The following CNOT10 variants were observed in gnomAD, a reference collection of about 807,000 sequenced individuals.
CNOT10 encodes CCR4-NOT transcription complex subunit 10.
In CNOT10, 30 loss-of-function variants were observed where a neutral mutation model predicts 94.6. The ratio of observed to expected loss-of-function variants is 0.32; its 90% confidence interval spans 0.24 to 0.43. CNOT10 has a LOEUF of 0.43. Ranked by LOEUF, CNOT10 falls within the 20% of genes least tolerant of loss-of-function variation. The probability of loss-of-function intolerance (pLI) is 1.00; values close to 1 mark genes in which losing one functional copy is unlikely to be tolerated. For missense variants in CNOT10, 759 were observed against 877.2 expected, an observed-to-expected ratio of 0.87 and a Z score of 1.70; for synonymous variants, 289 against 301.6, an observed-to-expected ratio of 0.96 and a Z score of 0.43.
In CNOT10 at chr3:32,759,312, A is replaced by G. The variant is rs1309582786; in HGVS notation, c.1596-146A>G. On this transcript the variant is annotated intron_variant, in intron 13 of 18. Transcript: ENST00000328834. ...CAGAATTGTTTTATACATCAATCTA[A>G]TTCTTACCATTAGTACCGTGGCTTC... 6.5e-6 allele frequency: 4 copies of G among 619,228 alleles called. No individual in the cohort carries two copies. The Admixed American group carries it at 7.8e-5, about 12-fold the overall frequency. 38.4% of individuals were successfully genotyped at this position (619,228 alleles called of 1,614,324 possible). A position where few individuals can be genotyped will look rare whatever the true frequency, so the allele number is the denominator to read the frequency against.
intron 1 of CNOT10, among the ~76,000 whole-genome samples, chr3:32,689,923 G>A (rs901179513): frequency 5.9e-5 from 9 of 152,182 alleles, no homozygotes; most frequent in African/African-American, 1.9e-4. Context: ...CCACTGTACT[G>A]TAGCCTGGGT....
At chr3:32,715,643 C>G (rs570689969) in intron 5 of CNOT10, among the ~76,000 whole-genome samples, 4 of 152,068 alleles carry the variant, frequency 2.6e-5, no homozygotes, top group Admixed American at 6.5e-5. Context: ...TAAAACAAGC[C>G]CAGGCTGGCC....
At chr3:32,706,051 CTAATT>C (rs1697608241) in intron 3 of CNOT10, among the ~76,000 whole-genome samples, 1 of 152,118 alleles carries the variant, frequency 6.6e-6, no homozygotes, top group Non-Finnish European at 1.5e-5. Flanking sequence ...TTTAGGAAGT[CTAATT>C]TAAATTTACA....
chr3:32,711,080 A>C (rs1374428943), intron 4 of CNOT10, among the ~76,000 whole-genome samples: 2 of 152,192 alleles, frequency 1.3e-5, no homozygotes, highest in African/African-American at 2.4e-5. Flanking sequence ...TGTGGGCCAG[A>C]CACTGTTCTG....
intron 3 of CNOT10, among the ~76,000 whole-genome samples, chr3:32,705,710 G>T (rs1489506402): frequency 6.6e-6 from 1 of 152,100 alleles, no homozygotes; most frequent in Admixed American, 6.6e-5. Flanking sequence ...TAACTCTATA[G>T]CCTGTAATTT....
chr3:32,746,315 A>G (rs1352352752), intron 13 of CNOT10, among the ~76,000 whole-genome samples: 5 of 152,178 alleles, frequency 3.3e-5, no homozygotes, highest in South Asian at 4.1e-4. Context: ...ATGATTCAAA[A>G]ACATTACATT....
rs564854517 is a variant in CNOT10 at position 32,744,556 on chromosome 3, A to G, written c.1595+7066A>G. Among the ~76,000 whole-genome samples, 3 of 152,332 alleles carry G rather than the reference A, an allele frequency of 2.0e-5. No individual in the cohort carries two copies. In the South Asian group the frequency reaches 6.2e-4, roughly 32 times the overall value. ...TTTTTAGAAGGCAGATAATAATTAA[A>G]GAAGTTGTGAGATTGTATATTAAAT... is the stretch of plus-strand genomic sequence containing the variant. On this transcript the variant is annotated intron_variant, in intron 13 of 18. Transcript: ENST00000328834.
At chr3:32,750,279 G>A (rs998284482) in intron 13 of CNOT10, among the ~76,000 whole-genome samples, 1 of 152,096 alleles carries the variant, frequency 6.6e-6, no homozygotes, top group African/African-American at 2.4e-5. Context: ...TGGATCACCT[G>A]AGGTCAGGAG....
At chr3:32,702,712 CTG>C (rs1697409812) in intron 1 of CNOT10, among the ~76,000 whole-genome samples, 1 of 152,088 alleles carries the variant, frequency 6.6e-6, no homozygotes, top group Non-Finnish European at 1.5e-5. Flanking sequence ...ATATGTGGGA[CTG>C]TATATTGCTG....
chr3:32,717,123 T>C, intron 6 of CNOT10, 31 bp from the exon 7 acceptor site: 1 of 1,332,256 alleles, frequency 7.5e-7, no homozygotes, highest in Middle Eastern at 1.8e-4. Flanking sequence ...TCCACCATAG[T>C]TTTAACATAC....
chr3:32,745,475 T>TACTCACAC (rs55661220), intron 13 of CNOT10, among the ~76,000 whole-genome samples: 150,112 of 152,212 alleles, frequency 0.99, 74,062 homozygotes, highest in East Asian at 1. Flanking sequence ...AAGGATTGAA[T>TACTCACAC]AAACATTCTG....
chr3:32,768,266 G>A (rs966799313), intron 17 of CNOT10, among the ~76,000 whole-genome samples: 2 of 152,112 alleles, frequency 1.3e-5, no homozygotes, highest in African/African-American at 4.8e-5. Flanking sequence ...TAGCCACTTG[G>A]ATGGAAAACA....
chr3:32,710,292 C>G (rs1351694282), intron 4 of CNOT10, among the ~76,000 whole-genome samples: 2 of 139,774 alleles, frequency 1.4e-5, no homozygotes, highest in East Asian at 4.1e-4. Context: ...TTTTTTTAAA[C>G]TTTTACTGCT....
chr3:32,770,079 C>A, intron 18 of CNOT10, 117 bp downstream of exon 18: 1 of 736,718 alleles, frequency 1.4e-6, no homozygotes, highest in Non-Finnish European at 2.3e-6. Flanking sequence ...CATCAGAGCT[C>A]ACTGCAGCCT....
chr3:32,761,755 C>T (rs529135648), intron 14 of CNOT10, among the ~76,000 whole-genome samples: 6 of 140,088 alleles, frequency 4.3e-5, no homozygotes, highest in African/African-American at 1.1e-4. Flanking sequence ...TTTTTTGAAA[C>T]GGAGTTTCAC....
chr3:32,705,611 G>A (rs1036904817), intron 3 of CNOT10, among the ~76,000 whole-genome samples: 6 of 152,162 alleles, frequency 3.9e-5, no homozygotes, highest in Non-Finnish European at 5.9e-5. Flanking sequence ...TATTTTAAAA[G>A]TGGAAAAGCC....
chr3:32,715,277 G>A (rs2125537829), intron 5 of CNOT10, among the ~76,000 whole-genome samples: 1 of 152,306 alleles, frequency 6.6e-6, no homozygotes, highest in South Asian at 2.1e-4. Flanking sequence ...AAGGAATTTG[G>A]ATGTTTGTTT....
chr3:32,728,154 G>A (rs377112461), intron 10 of CNOT10, among the ~76,000 whole-genome samples: 3 of 151,644 alleles, frequency 2.0e-5, no homozygotes, highest in South Asian at 2.1e-4. Context: ...ATGCCACCAC[G>A]CCCAGCTAAT....
chr3:32,769,565 A>C (rs536841987), intron 17 of CNOT10: 1 of 245,222 alleles, frequency 4.1e-6, no homozygotes, highest in East Asian at 7.7e-5. Context: ...ACTTAGGAAA[A>C]CAAATGGGCA....
Sources: allele counts gnomAD v4.1 joint callset (sites outside exome capture counted in the v4.1 genomes callset), GRCh38; gene constraint gnomAD v4.1.1; transcripts MANE v1.5; gene names NCBI Gene and HGNC (gene_info 2026-07-23, HGNC 2026-07-21).